ARID4B: variants seen among roughly 807,000 people sequenced by gnomAD.
ARID4B encodes the protein AT-rich interaction domain 4B.
In ARID4B, 26 loss-of-function variants were observed where a neutral mutation model predicts 147.5. The observed-to-expected ratio is 0.18, with a 90% CI of 0.13 to 0.24. ARID4B has a LOEUF of 0.24. ARID4B is among the 10% of genes least tolerant of loss of function. The pLI is 1.00. For synonymous variants in ARID4B, 512 were observed against 507.9 expected, an observed-to-expected ratio of 1.01 and a Z score of -0.11; for missense variants, 1,179 against 1,511.5, an observed-to-expected ratio of 0.78 and a Z score of 3.65.
intron 6 of ARID4B, among the ~76,000 whole-genome samples, chr1:235,248,833 G>A (rs1447626620): frequency 6.6e-6 from 1 of 152,168 alleles, no homozygotes; most frequent in Admixed American, 6.5e-5. Context: ...TGGGGGTAGG[G>A]TAGAATTTGT....
At chr1:235,206,086 T>C (rs1374793450) in intron 17 of ARID4B, among the ~76,000 whole-genome samples, 1 of 152,214 alleles carries the variant, frequency 6.6e-6, no homozygotes, top group Non-Finnish European at 1.5e-5. Context: ...ATTTGGATTT[T>C]ACCTTCTGCT....
At chr1:235,196,853 CAAAA>C (rs34581094) in intron 17 of ARID4B, among the ~76,000 whole-genome samples, 3 of 88,576 alleles carry the variant, frequency 3.4e-5, no homozygotes, top group African/African-American at 9.2e-5. Context: ...CTCTGTTTCA[CAAAA>C]AAAAAAAAAA....
chr1:235,256,322 A>AC (rs1390119764), intron 4 of ARID4B, among the ~76,000 whole-genome samples: 1 of 152,068 alleles, frequency 6.6e-6, no homozygotes, highest in African/African-American at 2.4e-5. Flanking sequence ...AATCCTGGGA[A>AC]CCCCCAGGGT....
chr1:235,226,903 A>C (rs1403359406), intron 11 of ARID4B, among the ~76,000 whole-genome samples: 1 of 152,136 alleles, frequency 6.6e-6, no homozygotes, highest in Non-Finnish European at 1.5e-5. Context: ...TCCTGACCTC[A>C]GGTGATCCGC....
intron 2 of ARID4B, among the ~76,000 whole-genome samples, chr1:235,292,195 G>A (rs1283584340): frequency 6.6e-6 from 1 of 152,154 alleles, no homozygotes; most frequent in Non-Finnish European, 1.5e-5. Flanking sequence ...TTGTCCCCAA[G>A]AGTCTGCCTT....
chr1:235,312,661 A>G (rs1162786071), intron 2 of ARID4B, among the ~76,000 whole-genome samples: 1 of 151,984 alleles, frequency 6.6e-6, no homozygotes, highest in East Asian at 1.9e-4. Flanking sequence ...ACTTTAGCAA[A>G]GAATATTCAG....
chr1:235,254,301 T>C (rs1669816806), intron 5 of ARID4B, among the ~76,000 whole-genome samples: 2 of 152,094 alleles, frequency 1.3e-5, no homozygotes, highest in Admixed American at 1.3e-4. Context: ...TTTTACTAGG[T>C]GTTTACTTTC....
chr1:235,234,797 A>C lies in ARID4B; in HGVS notation c.586-305T>G, dbSNP rs79092604. ...CTAGTCAGAAACAGAAAAAAGGTAG[A>C]GTTAGATCCTTAACTGAAGGGATAC... is the stretch of plus-strand genomic sequence containing the variant. On this transcript the variant is annotated intron_variant, in intron 8 of 23. Transcript: ENST00000264183. Among the ~76,000 whole-genome samples the C allele has an allele frequency of 8.5e-3, 1,301 of 152,326 alleles. 9 individuals carry two copies. Among genetic ancestry groups the C allele is most frequent in the South Asian group, 0.028 (136 of 4,826 alleles).
chr1:235,281,268 A>C (rs1671653763), intron 2 of ARID4B, among the ~76,000 whole-genome samples: 1 of 152,014 alleles, frequency 6.6e-6, no homozygotes, highest in Non-Finnish European at 1.5e-5. Flanking sequence ...ACAAAAATAA[A>C]GGCCGGGCAC....
intron 17 of ARID4B, among the ~76,000 whole-genome samples, chr1:235,199,676 A>G (rs1665753387): frequency 6.6e-6 from 1 of 152,192 alleles, no homozygotes; most frequent in Non-Finnish European, 1.5e-5. Context: ...AGTGGCGTGA[A>G]GAGGAAGAAA....
chr1:235,196,315 G>T (rs1571947887), intron 17 of ARID4B, among the ~76,000 whole-genome samples, 200 bp from the exon 18 acceptor site: 2 of 152,298 alleles, frequency 1.3e-5, no homozygotes, highest in Admixed American at 1.3e-4. Flanking sequence ...TGGACTTAAA[G>T]TTAGCTACTG....
intron 11 of ARID4B, among the ~76,000 whole-genome samples, chr1:235,225,436 A>T (rs1667767460): frequency 6.6e-6 from 1 of 152,232 alleles, no homozygotes; most frequent in Admixed American, 6.5e-5. Context: ...GGCAGCAGGG[A>T]GCTGGTCCTG....
Position 235,260,754 on chromosome 1 carries a change from T to A in ARID4B, c.7-2A>T. 1.3e-6 allele frequency: 2 copies of A among 1,584,710 alleles called. No homozygotes were observed. Among genetic ancestry groups the A allele is most frequent in the Non-Finnish European group, 1.7e-6 (2 of 1,160,202 alleles). ...CAAATAGGGAGGCTCATCAAGGGCC[T>A]AAAAATGCAAAGAAATATAATTAGA... On this transcript the variant is annotated splice_acceptor_variant, in intron 2 of 23. Transcript: ENST00000264183. LOFTEE classifies it high-confidence loss of function.
At chr1:235,200,151 T>C (rs912689153) in intron 17 of ARID4B, among the ~76,000 whole-genome samples, 1 of 151,892 alleles carries the variant, frequency 6.6e-6, no homozygotes, top group African/African-American at 2.4e-5. Flanking sequence ...AAACTCCGTC[T>C]CTAACAAAAA....
At chr1:235,309,439 C>T (rs1175540591) in intron 2 of ARID4B, among the ~76,000 whole-genome samples, 3 of 149,530 alleles carry the variant, frequency 2.0e-5, no homozygotes, top group African/African-American at 2.5e-5. Context: ...GTCAGCCCCC[C>T]GCCCGGCCAG....
At chr1:235,300,729 G>A (rs566323103) in intron 2 of ARID4B, among the ~76,000 whole-genome samples, 77 of 151,488 alleles carry the variant, frequency 5.1e-4, no homozygotes, top group Admixed American at 1.8e-3. Flanking sequence ...TATTTTTTGT[G>A]AGACAGAGTC....
intron 8 of ARID4B, among the ~76,000 whole-genome samples, chr1:235,236,674 C>T (rs1044517478): frequency 6.7e-6 from 1 of 149,424 alleles, no homozygotes; most frequent in Admixed American, 6.7e-5. Context: ...CCACCATGCT[C>T]GGCTAATTTT....
At position 235,326,983 on chromosome 1, in the gene ARID4B, A is replaced by G. The variant is rs1675320320; in HGVS notation, c.-49-15T>C. The G allele has an allele frequency of 1.3e-6, 2 of 1,562,308 alleles. No homozygotes were observed. Among genetic ancestry groups the G allele is most frequent in the Non-Finnish European group, 1.8e-6 (2 of 1,133,332 alleles). On this transcript the variant is annotated splice_polypyrimidine_tract_variant and intron_variant, in intron 1 of 23. Transcript: ENST00000264183. ...TTCAGCTGCACCTGGAGGGGAAACA[A>G]AAGACACCCAGTCAACACCACAGGA...
At chr1:235,327,189 C>G in intron 1 of ARID4B, 3 of 431,956 alleles carry the variant, frequency 6.9e-6, no homozygotes, top group Non-Finnish European at 1.3e-5. Flanking sequence ...TCCCCATTGT[C>G]GAGACCCGAC....
Sources: allele counts gnomAD v4.1 joint callset (sites outside exome capture counted in the v4.1 genomes callset), GRCh38; gene constraint gnomAD v4.1.1; transcripts MANE v1.5; gene names NCBI Gene and HGNC (gene_info 2026-07-23, HGNC 2026-07-21).